Variants in ZC3H12B observed in about 807,000 individuals in gnomAD.
The protein encoded by ZC3H12B is zinc finger CCCH-type containing 12B, also known as probable ribonuclease ZC3H12B.
A neutral mutation model predicts 43.9 loss-of-function variants in ZC3H12B; 7 were observed. The ratio of observed to expected loss-of-function variants is 0.16; its 90% CI spans 0.09 to 0.30. The LOEUF is 0.30. Among genes scored for constraint, ZC3H12B ranks in the 10% least tolerant of loss-of-function variants. The pLI, the probability that ZC3H12B is intolerant of heterozygous loss-of-function variation, is 1.00. For synonymous variants in ZC3H12B, 222 were observed against 241.7 expected (o/e 0.92, Z 0.76); for missense variants, 475 against 670.2 (o/e 0.71, Z 3.22).
the ZC3H12B span, among the ~76,000 whole-genome samples, chrX:65,136,402 G>A: frequency 9.0e-6 from 1 of 111,081 alleles, no homozygotes; most frequent in African/African-American, 3.3e-5. Context: ...TGAAAGTCTT[G>A]GCTCCCTACT....
the ZC3H12B span, among the ~76,000 whole-genome samples, chrX:65,119,334 T>A: frequency 1.2e-3 from 136 of 111,854 alleles, 1 homozygote; most frequent in African/African-American, 4.3e-3. Flanking sequence ...TTTTTAATGA[T>A]CACCATTCTA....
the ZC3H12B span, among the ~76,000 whole-genome samples, chrX:65,086,624 A>T: frequency 8.9e-6 from 1 of 112,020 alleles, no homozygotes; most frequent in Non-Finnish European, 1.9e-5. Flanking sequence ...AAAAGATCCG[A>T]GATAACTTCT....
intron 3 of ZC3H12B, among the ~76,000 whole-genome samples, chrX:65,429,328 C>A (rs2067121634): frequency 8.9e-6 from 1 of 112,425 alleles, no homozygotes; most frequent in African/African-American, 3.2e-5. Context: ...GATATGGGCT[C>A]TCCAGGGCCC....
chrX:65,328,237 C>G, the ZC3H12B span: 1 of 253,107 alleles, frequency 4.0e-6, no homozygotes, highest in South Asian at 5.3e-5. Context: ...TTTCAGCATA[C>G]TATGCTCTCA....
chrX:65,284,955 A>C, the ZC3H12B span, among the ~76,000 whole-genome samples: 1 of 111,436 alleles, frequency 9.0e-6, no homozygotes, highest in Non-Finnish European at 1.9e-5. Flanking sequence ...ATAAATGAAA[A>C]TGAATGAGCA....
chrX:65,277,242 GAGAT>G, the ZC3H12B span, among the ~76,000 whole-genome samples: 1 of 111,814 alleles, frequency 8.9e-6, no homozygotes, highest in Non-Finnish European at 1.9e-5. Context: ...TCTAAAGAGA[GAGAT>G]AGACTGTAAT....
At chrX:65,167,830 G>A in the ZC3H12B span, among the ~76,000 whole-genome samples, 1 of 111,412 alleles carries the variant, frequency 9.0e-6, no homozygotes, top group African/African-American at 3.3e-5. Context: ...TCATGATTTG[G>A]CTCTCTATTT....
At chrX:65,492,392 C>T (rs2068218895) in intron 1 of ZC3H12B, among the ~76,000 whole-genome samples, 1 of 112,215 alleles carries the variant, frequency 8.9e-6, no homozygotes, top group Non-Finnish European at 1.9e-5. Flanking sequence ...AACTGTTATA[C>T]TGACAGGAAA....
the ZC3H12B span, among the ~76,000 whole-genome samples, chrX:65,337,995 T>G: frequency 1.8e-5 from 2 of 111,876 alleles, no homozygotes; most frequent in South Asian, 7.5e-4. Flanking sequence ...CTTTGTACCT[T>G]TTACGTGGGA....
At chrX:65,407,128 A>G (rs2066838789) in intron 3 of ZC3H12B, among the ~76,000 whole-genome samples, 2 of 112,757 alleles carry the variant, frequency 1.8e-5, no homozygotes, top group African/African-American at 6.4e-5. Context: ...AAGAAAGAAG[A>G]CCGAGGAAGA....
At chrX:65,311,535 C>T in the ZC3H12B span, among the ~76,000 whole-genome samples, 1 of 111,987 alleles carries the variant, frequency 8.9e-6, no homozygotes, top group Non-Finnish European at 1.9e-5. Flanking sequence ...AATGCTTTTA[C>T]ACTGTTGGTG....
intron 2 of ZC3H12B, among the ~76,000 whole-genome samples, chrX:65,387,066 C>T (rs981933398): frequency 1.1e-4 from 12 of 111,529 alleles, no homozygotes; most frequent in East Asian, 2.8e-4. Context: ...TTACTTCCAA[C>T]TATGTGGTCA....
the ZC3H12B span, among the ~76,000 whole-genome samples, chrX:65,098,225 T>TAC: frequency 0.067 from 6,425 of 96,058 alleles, 230 homozygotes; most frequent in African/African-American, 0.12. Context: ...CATGTCTTAG[T>TAC]ACACACACAC....
At chrX:65,107,775 T>C in the ZC3H12B span, among the ~76,000 whole-genome samples, 25,479 of 110,583 alleles carry the variant, frequency 0.23, 7,162 homozygotes, top group African/African-American at 0.8. Context: ...GTTTGCCTCC[T>C]TTTCCACCAT....
At chrX:65,183,768 G>A in the ZC3H12B span, among the ~76,000 whole-genome samples, 2 of 111,483 alleles carry the variant, frequency 1.8e-5, no homozygotes, top group African/African-American at 3.3e-5. Context: ...ATTGTTCATT[G>A]TTGAGTCCTT....
At chrX:65,502,613 G>A in exon 5 of ZC3H12B, 1 of 1,210,030 alleles carries the variant, frequency 8.3e-7, no homozygotes, top group Non-Finnish European at 1.1e-6. Flanking sequence ...CTTAACACGA[G>A]TGCAGAGCTA....
At chrX:65,458,605 G>T (rs945723308) in intron 3 of ZC3H12B, among the ~76,000 whole-genome samples, 4 of 112,026 alleles carry the variant, frequency 3.6e-5, no homozygotes, top group African/African-American at 1.3e-4. Flanking sequence ...GCTCCTGAAT[G>T]ACTACTGGGT....
the ZC3H12B span, among the ~76,000 whole-genome samples, chrX:65,205,190 T>C: frequency 8.9e-6 from 1 of 112,082 alleles, no homozygotes; most frequent in Non-Finnish European, 1.9e-5. Flanking sequence ...TTTTTTTTGT[T>C]CAACCGGATT....
chrX:65,321,897 T>TAGGG, the ZC3H12B span, among the ~76,000 whole-genome samples: 1 of 110,541 alleles, frequency 9.0e-6, no homozygotes, highest in Admixed American at 9.6e-5. Context: ...CTTAGGGGTG[T>TAGGG]AGGGAGGGAG....
Sources: allele counts gnomAD v4.1 joint callset (sites outside exome capture counted in the v4.1 genomes callset), GRCh38; gene constraint gnomAD v4.1.1; transcripts MANE v1.5; gene names NCBI Gene and HGNC (gene_info 2026-07-23, HGNC 2026-07-21).